SPTBN2: variants seen among roughly 807,000 people sequenced by gnomAD.
SPTBN2 encodes the protein spectrin beta, non-erythrocytic 2.
Under a neutral mutation model 284.2 loss-of-function variants are expected in SPTBN2, and 107 were observed. The observed-to-expected ratio is 0.38, with a 90% CI of 0.32 to 0.44. The LOEUF (loss-of-function observed/expected upper bound fraction) is 0.44. SPTBN2 is among the 20% of genes least tolerant of loss of function. The probability of loss-of-function intolerance (pLI) is 1.00; values close to 1 mark genes in which losing one functional copy is unlikely to be tolerated. For missense variants in SPTBN2, 2,569 were observed against 3,287.1 expected (o/e 0.78, Z 5.34); for synonymous variants, 1,289 against 1,354.8 (o/e 0.95, Z 1.07).
chr11:66,704,867 C>G lies in SPTBN2; in HGVS notation c.2409G>C (p.Leu803=). The change falls in exon 15 of 38, where the codon CTG becomes CTC. Residue 803 remains leucine, a synonymous_variant. Transcript: ENST00000533211. The part of the protein sequence containing the change: ...EEEIRSHRPT[L]DALREQAAAL... The stretch of plus-strand genomic sequence containing the variant: ...CTGCTGCCTGTTCCCTCAAGGCGTC[C>G]AGGGTTGGCCGGTGGCTTCGAATCT... 1 of 1,610,520 alleles carries G rather than the reference C, an allele frequency of 6.2e-7. No homozygotes were observed. The highest frequency in any genetic ancestry group is 8.5e-7 in the Non-Finnish European group (1 of 1,179,866).
In SPTBN2 at chr11:66,722,448, T is replaced by C. The variant is rs376263582; in HGVS notation, c.-113-1008A>G. On this transcript the variant is annotated intron_variant, in intron 1 of 37. Coordinates refer to ENST00000533211, the MANE Select transcript of SPTBN2 (RefSeq NM_006946.4). ...AAAATTAGCTGGGTGTGGTGGTGGGTGCCTGTAGTCCCAGCTACTCGGGAG... is the reference window on the plus strand; with the variant it reads ...AAAATTAGCTGGGTGTGGTGGTGGGCGCCTGTAGTCCCAGCTACTCGGGAG... Among the ~76,000 whole-genome samples, 1,319 of 151,262 alleles carry C rather than the reference T, an allele frequency of 8.7e-3. 9 individuals carry two copies. Among genetic ancestry groups the C allele is most frequent in the South Asian group, 0.017 (80 of 4,776 alleles).
In SPTBN2 at chr11:66,721,217, T is replaced by C. The variant is rs141277535; in HGVS notation, c.24A>G (p.Thr8=). Residue 8 remains threonine (T), a synonymous_variant, in exon 3 of 38, where the codon ACA becomes ACG. Transcript: ENST00000533211. MSSTLSP[T]DFDSLEIQGQ... ...CCTGGATTTCCAAGCTGTCAAAGTC[T>C]GTGGGTGACAGCGTGCTGCTCATGG... is the stretch of plus-strand genomic sequence containing the variant. The C allele has an allele frequency of 8.1e-5, 131 of 1,614,152 alleles. No individual in the cohort carries two copies. In the African/African-American group the frequency reaches 1.5e-3, roughly 18 times the overall value.
intron 10 of SPTBN2, among the ~76,000 whole-genome samples, chr11:66,709,799 G>A (rs1413413531): frequency 1.3e-5 from 2 of 152,202 alleles, no homozygotes; most frequent in Non-Finnish European, 2.9e-5. Flanking sequence ...CGTTTTGGCA[G>A]GTACTGAACA....
intron 1 of SPTBN2, among the ~76,000 whole-genome samples, chr11:66,723,794 G>A (rs1942520305): frequency 6.6e-6 from 1 of 152,148 alleles, no homozygotes; most frequent in Non-Finnish European, 1.5e-5. Flanking sequence ...TGAGTAAAGA[G>A]TGCTGTGGGC....
chr11:66,739,338 G>A (rs952789541), intron 1 of SPTBN2, among the ~76,000 whole-genome samples: 1 of 152,134 alleles, frequency 6.6e-6, no homozygotes, highest in Non-Finnish European at 1.5e-5. Flanking sequence ...AAAGTGCTTC[G>A]GAGTACTGTA....
chr11:66,708,344 G>T lies in SPTBN2; in HGVS notation c.1192-45C>A. 1 of 1,510,294 alleles carries T rather than the reference G, an allele frequency of 6.6e-7. No homozygotes were observed. Among genetic ancestry groups the T allele is most frequent in the Non-Finnish European group, 8.9e-7 (1 of 1,123,172 alleles). 93.6% of individuals were successfully genotyped at this position (1,510,294 alleles called of 1,614,324 possible). A position where few individuals can be genotyped will look rare whatever the true frequency, so the allele number is the denominator to read the frequency against. ...TTAGTGGAAGGGACAGGGTGGGGAG[G>T]GCTCAGTGGGGCTGGAGGCACATGG... On this transcript the variant is annotated intron_variant, in intron 11 of 37. Coordinates refer to ENST00000533211, the MANE Select transcript of SPTBN2 (RefSeq NM_006946.4). The surrounding 1 kb of genome is among the most constrained non-coding windows in gnomAD (Gnocchi z 4.4).
rs749059643 is a variant in SPTBN2 at position 66,699,540 on chromosome 11, C to A, written c.3642G>T (p.Leu1214=). 6.2e-7 allele frequency: 1 copy of A among 1,614,182 alleles called. No individual in the cohort carries two copies. The highest frequency in any genetic ancestry group is 2.2e-5 in the East Asian group (1 of 44,878). The part of the protein sequence containing the change: ...LQAADAAIKK[L]EDFMSTMDAN... ...CGTCCATGGTGCTCATGAAGTCCTC[C>A]AGTTTTTTAATGGCAGCATCAGCAG... The change falls in exon 18 of 38, where the codon CTG becomes CTT. Residue 1214 remains leucine, a synonymous_variant. Transcript: ENST00000533211.
Position 66,714,068 on chromosome 11 carries a change from G to A in SPTBN2, c.656+23C>T, listed in dbSNP as rs376509388. On this transcript the variant is annotated intron_variant, in intron 7 of 37. Transcript: ENST00000533211. ...TTAGCCGACCCAGCAGCTCTGCTGCGTTTGCTAACCCCATCTTCTCACCGG... is the reference window on the plus strand; with the variant it reads ...TTAGCCGACCCAGCAGCTCTGCTGCATTTGCTAACCCCATCTTCTCACCGG... 2.0e-5 allele frequency: 33 copies of A among 1,613,368 alleles called. No individual in the cohort carries two copies. The East Asian group carries it at 2.7e-4, about 13-fold the overall frequency.
Position 66,721,375 on chromosome 11 carries a change from G to A in SPTBN2, c.-48C>T, listed in dbSNP as rs911862017. 89 of 1,286,126 alleles carry A rather than the reference G, an allele frequency of 6.9e-5. 1 individual carries two copies. The South Asian group carries it at 8.2e-4, about 12-fold the overall frequency. The allele number at this position is 1,286,126 out of a possible 1,614,324, so 79.7% of individuals were successfully genotyped here. A position where few individuals can be genotyped will look rare whatever the true frequency, so the allele number is the denominator to read the frequency against. On this transcript the variant is annotated 5_prime_UTR_variant, in exon 2 of 38. Transcript: ENST00000533211. ...CTGTGCTCCGCTCTCCTTGTGGCCA[G>A]AGGCTGCGGTTGGCTGCTCAGTGGA...
rs116754495 is a variant in SPTBN2, at chr11:66,699,344, G to A, written c.3776+62C>T. ...TTTCCTGTGCCACGTTTATCTTTGA[G>A]GTCACCCTGTTTCTCCGATTCCCCC... is the stretch of plus-strand genomic sequence containing the variant. On this transcript the variant is annotated intron_variant, in intron 18 of 37. Transcript: ENST00000533211. 9,145 of 1,590,788 alleles carry A rather than the reference G, an allele frequency of 5.7e-3. 468 individuals carry two copies. The African/African-American group carries it at 0.11, about 19-fold the overall frequency.
In SPTBN2 at chr11:66,705,179, G is replaced by T; in HGVS notation, c.2097C>A (p.Leu699=). The T allele has an allele frequency of 6.5e-7, 1 of 1,535,092 alleles. No homozygotes were observed. Among genetic ancestry groups the T allele is most frequent in the African/African-American group, 1.4e-5 (1 of 73,054 alleles). ...EMSGRLGPLK[L]TLEQGQQLVA... ...CCAACTGCTGGCCCTGCTCCAGGGT[G>T]AGCTTCAGGGGCCCCAGCCGGCCGC... Residue 699 remains leucine, a synonymous_variant, in exon 15 of 38, where the codon CTC becomes CTA. Coordinates refer to ENST00000533211, the MANE Select transcript of SPTBN2 (RefSeq NM_006946.4).
chr11:66,692,796 G>A lies in SPTBN2; in HGVS notation c.4986-56C>T, dbSNP rs147793167. 6.6e-4 allele frequency: 1,059 copies of A among 1,598,374 alleles called. 5 individuals are homozygous for A. In the East Asian group the frequency reaches 0.011, roughly 17 times the overall value. On this transcript the variant is annotated intron_variant, in intron 25 of 37. Transcript: ENST00000533211. Reference sequence around the variant, plus strand: ...ACTTAGGGGTGTAGCTCTGACCTCCGGTCTGTTCTGTGGAGCCCTGTCCCT... The same window carrying A: ...ACTTAGGGGTGTAGCTCTGACCTCCAGTCTGTTCTGTGGAGCCCTGTCCCT...
intron 1 of SPTBN2, among the ~76,000 whole-genome samples, chr11:66,741,091 G>A (rs936049628): frequency 1.3e-5 from 2 of 152,120 alleles, no homozygotes; most frequent in Non-Finnish European, 1.5e-5. Context: ...TTTCTTTTTG[G>A]AATAAACAAG....
At chr11:66,742,710 A>G (rs1404955000) in intron 1 of SPTBN2, among the ~76,000 whole-genome samples, 1 of 152,034 alleles carries the variant, frequency 6.6e-6, no homozygotes, top group African/African-American at 2.4e-5. Flanking sequence ...CCCGGGTTCA[A>G]GCAATTCTCC....
rs1940725733 is a variant in SPTBN2, at chr11:66,693,751, T to C, written c.4593+21A>G. On this transcript the variant is annotated intron_variant, in intron 23 of 37. Coordinates refer to ENST00000533211, the MANE Select transcript of SPTBN2 (RefSeq NM_006946.4). This position sits in a 1 kb window ranked among gnomAD's most constrained non-coding sequence, Gnocchi z 5.7. ...GGCAGGCTCCTGGGAACTTCTCTTT[T>C]GCCTTCAGCCTCTGCCTCACCTGGT... 2 of 1,605,354 alleles carry C rather than the reference T, an allele frequency of 1.2e-6. No homozygotes were observed. Among genetic ancestry groups the C allele is most frequent in the Non-Finnish European group, 1.7e-6 (2 of 1,175,754 alleles).
At chr11:66,692,476 C>T in intron 26 of SPTBN2, 60 bp downstream of exon 26, 5 of 1,586,738 alleles carry the variant, frequency 3.2e-6, no homozygotes, top group Admixed American at 1.7e-5. Context: ...TCCTAGTCTC[C>T]CTGTGGGTCC....
rs771282751 is a variant in SPTBN2 at position 66,705,351 on chromosome 11, C to T, written c.1925G>A (p.Arg642Gln). ...CACCTCCCAGAGGAAACGCCAGAGC[C>T]GCCGTGATTCCTCCAGCCGGGCCCG... ...ARRARLEESR[R>Q]LWRFLWEVGE... Residue 642 changes from arginine (R) to glutamine (Q), a missense_variant, in exon 15 of 38, where the codon CGG becomes CAG. This residue lies in a region of SPTBN2 where 1,012 missense variants were observed against 1,248.9 expected (regional missense o/e 0.81). Transcript: ENST00000533211. The T allele has an allele frequency of 8.7e-6, 14 of 1,611,650 alleles. No homozygotes were observed. The Admixed American group carries it at 1.2e-4, about 13-fold the overall frequency.
In SPTBN2 at chr11:66,707,784, G is replaced by T; in HGVS notation, c.1385C>A (p.Ala462Glu). The change falls in exon 13 of 38, where the codon GCA becomes GAA. Residue 462 changes from alanine (A) to glutamate (E), a missense_variant. Ala to Glu is a moderately radical substitution (Grantham distance 107, BLOSUM62 -1). Coordinates refer to ENST00000533211, the MANE Select transcript of SPTBN2 (RefSeq NM_006946.4). The surrounding 1 kb of genome is among the most constrained non-coding windows in gnomAD (Gnocchi z 4.9). The stretch of plus-strand genomic sequence containing the variant: ...AATGGCTTCGTGCTTCCGTACTGCT[G>T]CCTCGACAGCTGCCAGCTCCAGCCC... Reference protein sequence around the residue: ...NFGLELAAVEAAVRKHEAIET... With the variant: ...NFGLELAAVEEAVRKHEAIET... 6.2e-7 allele frequency: 1 copy of T among 1,609,488 alleles called. No individual in the cohort carries two copies.
At chr11:66,744,417 G>A (rs1260040279) in intron 1 of SPTBN2, 1 of 157,066 alleles carries the variant, frequency 6.4e-6, no homozygotes, top group Non-Finnish European at 1.4e-5. Flanking sequence ...CCGAGGGAAG[G>A]GTCCTGGAAA....
Sources: gnomAD v4.1 joint callset for allele counts (sites outside exome capture counted in the v4.1 genomes callset) on GRCh38, gnomAD v4.1.1 for gene constraint, gnomAD v4.1.1 regional missense constraint, Gnocchi (gnomAD v3.1) non-coding constraint, MANE v1.5 for transcripts, NCBI Gene and HGNC (gene_info 2026-07-23, HGNC 2026-07-21) for gene names.